NTRK3: variants seen among roughly 807,000 people sequenced by gnomAD.
NTRK3 encodes the protein neurotrophic receptor tyrosine kinase 3.
Under a neutral mutation model 91.7 loss-of-function variants are expected in NTRK3, and 24 were observed. The observed-to-expected ratio is 0.26, with a 90% CI of 0.19 to 0.37. The LOEUF is 0.37. NTRK3 is among the 10% of genes least tolerant of loss of function. The pLI, the probability that NTRK3 is intolerant of heterozygous loss-of-function variation, is 1.00. For synonymous variants in NTRK3, 483 were observed against 404.0 expected (o/e 1.20, Z -2.34); for missense variants, 880 against 1,068.9 (o/e 0.82, Z 2.46).
chr15:88,109,244 A>G (rs540720822), intron 13 of NTRK3, among the ~76,000 whole-genome samples: 4 of 152,322 alleles, frequency 2.6e-5, no homozygotes, highest in Non-Finnish European at 5.9e-5. Flanking sequence ...CAGGTGCAGT[A>G]GCCAGGCCTC....
intron 17 of NTRK3, among the ~76,000 whole-genome samples, chr15:87,884,251 AG>A (rs1284583292): frequency 6.6e-6 from 1 of 151,618 alleles, no homozygotes; most frequent in African/African-American, 2.4e-5. Flanking sequence ...TAAATTTGAA[AG>A]TATACATGCA....
intron 14 of NTRK3, among the ~76,000 whole-genome samples, chr15:87,959,545 T>C (rs373104876): frequency 2.6e-5 from 4 of 152,124 alleles, no homozygotes; most frequent in African/African-American, 9.7e-5. Flanking sequence ...CAGCTCTGAG[T>C]TCATATCGAG....
At chr15:88,236,852 C>A (rs952594226) in intron 3 of NTRK3, among the ~76,000 whole-genome samples, 3 of 141,678 alleles carry the variant, frequency 2.1e-5, no homozygotes, top group African/African-American at 7.4e-5. Context: ...ACAGTGGCTC[C>A]CCCTGGGGAG....
chr15:88,031,255 C>T lies in NTRK3; in HGVS notation c.1585+1602G>A, dbSNP rs376981970. Among the ~76,000 whole-genome samples, 17 of 152,212 alleles carry T rather than the reference C, an allele frequency of 1.1e-4. No homozygotes were observed. In the East Asian group the frequency reaches 1.7e-3, roughly 16 times the overall value. On this transcript the variant is annotated intron_variant, in intron 14 of 18. Coordinates refer to ENST00000394480, the Ensembl canonical transcript of NTRK3. ...TCAGTGTTCACTAATTCAGTGTTCA[C>T]GGCGACTTCACAGAACACAACTGAT...
chr15:87,897,320 CTCTT>C (rs2066185635), intron 17 of NTRK3, among the ~76,000 whole-genome samples: 1 of 148,184 alleles, frequency 6.7e-6, no homozygotes, highest in African/African-American at 2.7e-5. Context: ...AATTCTAGCA[CTCTT>C]TCTGACACCT....
rs762695142 is a variant in NTRK3, at chr15:88,255,096, C to T, written c.248+810G>A. 6.6e-5 allele frequency among the ~76,000 whole-genome samples: 10 copies of T among 152,158 alleles called. No individual in the cohort carries two copies. The highest frequency in any genetic ancestry group is 1.2e-4 in the Non-Finnish European group (8 of 68,042). The stretch of plus-strand genomic sequence containing the variant: ...GTTGAATGTTCCAAATGAACCGATC[C>T]GCACGATCACACAAGAAACCCCTCT... On this transcript the variant is annotated intron_variant, in intron 3 of 18. Transcript: ENST00000394480. This position sits in a 1 kb window ranked among gnomAD's most constrained non-coding sequence, Gnocchi z 4.3.
chr15:88,201,054 G>C (rs1336728772), intron 3 of NTRK3, among the ~76,000 whole-genome samples: 2 of 152,166 alleles, frequency 1.3e-5, no homozygotes, highest in African/African-American at 4.8e-5. Context: ...AAACCATGTA[G>C]ATCCCTGTCT....
intron 13 of NTRK3, among the ~76,000 whole-genome samples, chr15:88,049,232 T>C (rs931014094): frequency 1.3e-5 from 2 of 152,224 alleles, no homozygotes; most frequent in Non-Finnish European, 2.9e-5. Flanking sequence ...ACTTACATAG[T>C]ATGCCTAGTC....
At position 88,241,818 on chromosome 15, in the gene NTRK3, G is replaced by A. The variant is rs760765290; in HGVS notation, c.248+14088C>T. ...GCCCCGGGAATGGACGGAATCTGCC[G>A]TGCACTCTCAGCAAAGCTTGGCCCA... is the stretch of plus-strand genomic sequence containing the variant. On this transcript the variant is annotated intron_variant, in intron 3 of 18. Coordinates refer to ENST00000394480, the Ensembl canonical transcript of NTRK3. This position sits in a 1 kb window ranked among gnomAD's most constrained non-coding sequence, Gnocchi z 4.3. Among the ~76,000 whole-genome samples, 20 of 152,152 alleles carry A rather than the reference G, an allele frequency of 1.3e-4. No homozygotes were observed. The highest frequency in any genetic ancestry group is 3.9e-4 in the East Asian group (2 of 5,188).
intron 13 of NTRK3, among the ~76,000 whole-genome samples, chr15:88,088,658 A>G (rs2048729666): frequency 6.6e-6 from 1 of 152,218 alleles, no homozygotes; most frequent in African/African-American, 2.4e-5. Flanking sequence ...GGTAACAATT[A>G]TTTTTAAAGC....
intron 17 of NTRK3, among the ~76,000 whole-genome samples, chr15:87,909,698 G>A (rs1424559237): frequency 1.3e-5 from 2 of 152,192 alleles, no homozygotes; most frequent in African/African-American, 4.8e-5. Flanking sequence ...GACTGTATTT[G>A]GAGAGAGAGC....
intron 13 of NTRK3, among the ~76,000 whole-genome samples, chr15:88,118,713 G>C (rs1395679026): frequency 6.6e-6 from 1 of 152,196 alleles, no homozygotes; most frequent in Non-Finnish European, 1.5e-5. Flanking sequence ...CAGCACTTTT[G>C]GGAAAGCCCG....
chr15:87,991,142 C>T (rs2075257125), intron 14 of NTRK3, among the ~76,000 whole-genome samples: 1 of 152,168 alleles, frequency 6.6e-6, no homozygotes, highest in Admixed American at 6.5e-5. Context: ...ACTGTACCAT[C>T]CTCATCATTT....
At chr15:88,129,333 G>A (rs561493808) in intron 10 of NTRK3, among the ~76,000 whole-genome samples, 17 of 152,318 alleles carry the variant, frequency 1.1e-4, no homozygotes, top group Middle Eastern at 3.4e-3. Flanking sequence ...GAGGGATGGT[G>A]TTAAATGCTT....
chr15:88,015,564 C>A (rs1188371649), intron 14 of NTRK3, among the ~76,000 whole-genome samples: 6 of 151,996 alleles, frequency 3.9e-5, no homozygotes, highest in Admixed American at 2.6e-4. Flanking sequence ...CAAGCCACTG[C>A]TCTCTAAGCA....
At position 87,872,770 on chromosome 15, in the gene NTRK3, G is replaced by C. The variant is rs150636832; in HGVS notation, c.*4165C>G. ...CCTTTGCCATTGGTAACTTTTCTTC[G>C]TCTCCTTCCTTATCTTTCACTTCAT... On this transcript the variant is annotated 3_prime_UTR_variant, in exon 19 of 19. Transcript: ENST00000394480. 2.6e-5 allele frequency: 6 copies of C among 232,386 alleles called. No homozygotes were observed. In the South Asian group the frequency reaches 1.1e-3, roughly 42 times the overall value. The allele number at this position is 232,386 out of a possible 1,614,324, so 14.4% of individuals were successfully genotyped here. A position where few individuals can be genotyped will look rare whatever the true frequency, so the allele number is the denominator to read the frequency against.
intron 3 of NTRK3, among the ~76,000 whole-genome samples, chr15:88,232,009 G>A (rs1287872465): frequency 2.0e-5 from 3 of 152,150 alleles, no homozygotes; most frequent in Admixed American, 6.5e-5. Context: ...AGGTACAGAT[G>A]CCTCAGCCCA....
At chr15:88,251,417 GC>G (rs2053355952) in intron 3 of NTRK3, among the ~76,000 whole-genome samples, 1 of 152,256 alleles carries the variant, frequency 6.6e-6, no homozygotes, top group African/African-American at 2.4e-5. Context: ...AGTCTAGAGT[GC>G]CCTGATGGAG....
intron 15 of NTRK3, 144 bp from the exon 16 acceptor site, chr15:87,933,328 A>T: frequency 2.5e-6 from 2 of 796,598 alleles, no homozygotes; most frequent in Non-Finnish European, 4.0e-6. Context: ...ATGAAGCTCA[A>T]TCTCAACTAT....
Sources: allele counts gnomAD v4.1 joint callset (sites outside exome capture counted in the v4.1 genomes callset), GRCh38; gene constraint gnomAD v4.1.1; non-coding constraint Gnocchi (gnomAD v3.1); transcripts MANE v1.5; gene names NCBI Gene and HGNC (gene_info 2026-07-23, HGNC 2026-07-21).